THADA: variants seen among roughly 807,000 people sequenced by gnomAD.
The protein encoded by THADA is tRNA (32-2'-O)-methyltransferase regulator THADA.
THADA carries 213 observed loss-of-function variants against 219.8 expected under a neutral mutation model. That is an observed-to-expected ratio of 0.97 (90% CI 0.87 to 1.09). The LOEUF is 1.09. Ranked by LOEUF, THADA falls within the 50% of genes least tolerant of loss-of-function variation. The probability of loss-of-function intolerance (pLI) is 0.00; values close to 1 mark genes in which losing one functional copy is unlikely to be tolerated. For missense variants in THADA, 2,956 were observed against 2,311.3 expected, an observed-to-expected ratio of 1.28 and a Z score of -5.72; for synonymous variants, 1,018 against 828.9, an observed-to-expected ratio of 1.23 and a Z score of -3.92.
At chr2:43,488,518 C>CT (rs1323993264) in intron 25 of THADA, among the ~76,000 whole-genome samples, 4 of 152,042 alleles carry the variant, frequency 2.6e-5, no homozygotes, top group African/African-American at 9.7e-5. Context: ...TATGTTATTC[C>CT]TTTTTTATGG....
intron 36 of THADA, among the ~76,000 whole-genome samples, chr2:43,239,881 A>C (rs1324402305): frequency 6.6e-6 from 1 of 152,182 alleles, no homozygotes; most frequent in African/African-American, 2.4e-5. Flanking sequence ...TTCACCCATC[A>C]ATCTGATATT....
At chr2:43,305,494 C>G (rs1558552549) in intron 31 of THADA, among the ~76,000 whole-genome samples, 1 of 152,330 alleles carries the variant, frequency 6.6e-6, no homozygotes, top group Admixed American at 6.5e-5. Context: ...CCATCACACA[C>G]ACCCCTTGGA....
intron 11 of THADA, 103 bp from the exon 12 acceptor site, chr2:43,573,095 T>C (rs1413510981): frequency 2.1e-6 from 2 of 957,838 alleles, no homozygotes; most frequent in East Asian, 2.9e-5. Context: ...TTTCAATAAA[T>C]AAAAATCACA....
At chr2:43,546,320 G>A (rs923748721) in intron 20 of THADA, among the ~76,000 whole-genome samples, 1 of 152,136 alleles carries the variant, frequency 6.6e-6, no homozygotes, top group Non-Finnish European at 1.5e-5. Flanking sequence ...TAGGTGTGGT[G>A]TGGTGCTGAA....
At chr2:43,498,337 T>C (rs780330982) in intron 25 of THADA, among the ~76,000 whole-genome samples, 2 of 152,214 alleles carry the variant, frequency 1.3e-5, no homozygotes, top group Non-Finnish European at 2.9e-5. Context: ...ATGCACATAA[T>C]GCCACTGCAT....
intron 26 of THADA, among the ~76,000 whole-genome samples, chr2:43,482,308 C>G (rs1378187828): frequency 1.3e-5 from 2 of 152,094 alleles, no homozygotes; most frequent in Non-Finnish European, 2.9e-5. Context: ...TACAGGTACC[C>G]TCTACACACT....
intron 16 of THADA, among the ~76,000 whole-genome samples, chr2:43,557,822 G>T (rs376038278): frequency 1.3e-5 from 2 of 152,130 alleles, no homozygotes; most frequent in African/African-American, 4.8e-5. Context: ...GTTGATTATA[G>T]GTCTACAAAT....
At chr2:43,560,536 A>G (rs888776461) in intron 15 of THADA, among the ~76,000 whole-genome samples, 151 bp from the exon 16 acceptor site, 1 of 152,212 alleles carries the variant, frequency 6.6e-6, no homozygotes, top group African/African-American at 2.4e-5. Context: ...TTTTCCATTA[A>G]TTTATTTCTT....
At chr2:43,264,558 T>C (rs899764532) in intron 36 of THADA, among the ~76,000 whole-genome samples, 1 of 152,178 alleles carries the variant, frequency 6.6e-6, no homozygotes, top group African/African-American at 2.4e-5. Flanking sequence ...GTGCTGGGAT[T>C]ACAGGCATGA....
chr2:43,378,689 T>C (rs1573357835), intron 29 of THADA, among the ~76,000 whole-genome samples: 1 of 152,200 alleles, frequency 6.6e-6, no homozygotes, highest in East Asian at 1.9e-4. Flanking sequence ...CACTGCAACC[T>C]CCACTTCCAG....
chr2:43,316,265 C>T (rs1272081474), intron 31 of THADA, among the ~76,000 whole-genome samples: 2 of 152,200 alleles, frequency 1.3e-5, no homozygotes, highest in African/African-American at 2.4e-5. Flanking sequence ...ATACATACTT[C>T]CTTTAATACA....
intron 26 of THADA, among the ~76,000 whole-genome samples, chr2:43,449,639 T>G (rs925374513): frequency 2.0e-5 from 3 of 152,074 alleles, no homozygotes; most frequent in Non-Finnish European, 4.4e-5. Context: ...CATGGTGGTG[T>G]GCTCCTGTGT....
At chr2:43,585,572 AT>A (rs774281244) in intron 7 of THADA, among the ~76,000 whole-genome samples, 2,307 of 143,956 alleles carry the variant, frequency 0.016, 28 homozygotes, top group African/African-American at 0.036. Flanking sequence ...AGATAGATAG[AT>A]AGATAGAAAG....
intron 29 of THADA, among the ~76,000 whole-genome samples, chr2:43,378,951 A>G (rs1407158556): frequency 6.6e-6 from 1 of 152,190 alleles, no homozygotes; most frequent in African/African-American, 2.4e-5. Flanking sequence ...CAACCTGGAC[A>G]ACCTCAACTG....
In THADA at chr2:43,313,786, A is replaced by G. The variant is rs571488681; in HGVS notation, c.4438+6660T>C. Among the ~76,000 whole-genome samples the G allele has an allele frequency of 9.5e-4, 145 of 152,384 alleles. 1 individual carries two copies. The highest frequency in any genetic ancestry group is 3.3e-3 in the African/African-American group (137 of 41,592). ...GACAGAAGCCTGGGAAGTTGAGTCC[A>G]CGAAGAGGGTTCTCGGACTCCCTTC... On this transcript the variant is annotated intron_variant, in intron 31 of 37. Transcript: ENST00000405975.
At chr2:43,381,189 G>A (rs1671985033) in intron 29 of THADA, among the ~76,000 whole-genome samples, 1 of 151,120 alleles carries the variant, frequency 6.6e-6, no homozygotes, top group Non-Finnish European at 1.5e-5. Flanking sequence ...ACCTGAAAGA[G>A]CTCCCAATAG....
chr2:43,400,484 T>TATATATATATATATATATAC (rs1553427596), intron 28 of THADA, among the ~76,000 whole-genome samples: 3 of 145,928 alleles, frequency 2.1e-5, no homozygotes, highest in African/African-American at 5.1e-5. Context: ...TATAAATATA[T>TATATATATATATATATATAC]ACACTAAGAA....
At chr2:43,434,104 C>G (rs1679760882) in intron 26 of THADA, among the ~76,000 whole-genome samples, 2 of 152,138 alleles carry the variant, frequency 1.3e-5, no homozygotes, top group African/African-American at 4.8e-5. Flanking sequence ...CTAAAAAAAA[C>G]CATAACACTC....
At chr2:43,491,080 T>C (rs1573913563) in intron 25 of THADA, among the ~76,000 whole-genome samples, 1 of 152,204 alleles carries the variant, frequency 6.6e-6, no homozygotes, top group Admixed American at 6.5e-5. Flanking sequence ...GGTTCAAGGA[T>C]ATCTGTTTCA....
Sources: allele counts gnomAD v4.1 joint callset (sites outside exome capture counted in the v4.1 genomes callset), GRCh38; gene constraint gnomAD v4.1.1; transcripts MANE v1.5; gene names NCBI Gene and HGNC (gene_info 2026-07-23, HGNC 2026-07-21).